CCNY: variants seen among roughly 807,000 people sequenced by gnomAD.
CCNY encodes the protein cyclin Y, also known as cyclin-Y.
Under a neutral mutation model 42.8 loss-of-function variants are expected in CCNY, and 19 were observed. The observed-to-expected ratio is 0.44, with a 90% confidence interval of 0.31 to 0.65. The LOEUF (loss-of-function observed/expected upper bound fraction) is 0.65, where lower values mean the gene tolerates loss of function less well. Ranked by LOEUF, CCNY falls within the 30% of genes least tolerant of loss-of-function variation. The pLI, the probability that CCNY is intolerant of heterozygous loss-of-function variation, is 0.07. For synonymous variants in CCNY, 165 were observed against 162.7 expected (o/e 1.01, Z -0.11); for missense variants, 370 against 437.3 (o/e 0.85, Z 1.37).
chr10:35,330,760 T>A (rs2474515), intron 3 of CCNY, among the ~76,000 whole-genome samples: 12,380 of 151,016 alleles, frequency 0.082, 810 homozygotes, highest in African/African-American at 0.19. Context: ...GCTTTTATTT[T>A]TTTTTTTTTT....
intron 7 of CCNY, among the ~76,000 whole-genome samples, chr10:35,546,894 G>A (rs568550523): frequency 3.9e-5 from 6 of 152,144 alleles, no homozygotes; most frequent in South Asian, 4.1e-4. Flanking sequence ...TGACCTCTGC[G>A]GAGAGCTTGG....
chr10:35,429,322 G>C (rs1838334792), intron 1 of CCNY, among the ~76,000 whole-genome samples: 1 of 152,082 alleles, frequency 6.6e-6, no homozygotes, highest in Non-Finnish European at 1.5e-5. Flanking sequence ...TGTAGAAATA[G>C]GTTTTATTAT....
At chr10:35,471,162 G>C (rs988685560) in intron 1 of CCNY, among the ~76,000 whole-genome samples, 3 of 152,084 alleles carry the variant, frequency 2.0e-5, no homozygotes, top group African/African-American at 7.2e-5. Context: ...CACTGACACT[G>C]TCTAGACCTA....
intron 3 of CCNY, among the ~76,000 whole-genome samples, chr10:35,321,425 C>A (rs571534945): frequency 6.6e-6 from 1 of 152,196 alleles, no homozygotes; most frequent in South Asian, 2.1e-4. Context: ...ATAATCCCAG[C>A]ACTTTTGGAG....
intron 3 of CCNY, among the ~76,000 whole-genome samples, chr10:35,259,693 T>TC (rs1360240243): frequency 1.4e-5 from 2 of 146,434 alleles, no homozygotes; most frequent in Admixed American, 1.4e-4. Flanking sequence ...TTTTTTTTTT[T>TC]TAGAGACGAG....
At chr10:35,514,239 C>T (rs1042219111) in intron 3 of CCNY, among the ~76,000 whole-genome samples, 1 of 152,164 alleles carries the variant, frequency 6.6e-6, no homozygotes, top group African/African-American at 2.4e-5. Flanking sequence ...GACTTAGTGC[C>T]TAAATGGTCT....
chr10:35,505,291 T>G (rs1840193121), intron 3 of CCNY, among the ~76,000 whole-genome samples: 1 of 150,236 alleles, frequency 6.7e-6, no homozygotes, highest in African/African-American at 2.5e-5. Context: ...AAAAAAAAGA[T>G]GTGAAAACAG....
intron 3 of CCNY, among the ~76,000 whole-genome samples, chr10:35,274,899 C>T (rs1053181609): frequency 2.6e-5 from 4 of 152,110 alleles, no homozygotes; most frequent in Non-Finnish European, 5.9e-5. Context: ...GTTAAGACTA[C>T]TGCAGTCTCC....
intron 1 of CCNY, among the ~76,000 whole-genome samples, chr10:35,480,368 A>C (rs1361711197): frequency 6.6e-6 from 1 of 152,184 alleles, no homozygotes; most frequent in Non-Finnish European, 1.5e-5. Context: ...ACAAGTGGTC[A>C]TTCCGCCTTT....
At chr10:35,346,447 C>T (rs1836304860) in intron 1 of CCNY, among the ~76,000 whole-genome samples, 1 of 152,206 alleles carries the variant, frequency 6.6e-6, no homozygotes, top group South Asian at 2.1e-4. Context: ...GGATCCCACA[C>T]ATCAGCAAGA....
At chr10:35,252,565 CAAAAAAA>C (rs755376669) in intron 3 of CCNY, among the ~76,000 whole-genome samples, 7 of 21,546 alleles carry the variant, frequency 3.2e-4, no homozygotes, top group South Asian at 1.6e-3. Context: ...GACTCCGTCT[CAAAAAAA>C]AAAAAAAAAA....
intron 1 of CCNY, among the ~76,000 whole-genome samples, chr10:35,465,709 T>C (rs954455571): frequency 6.6e-5 from 10 of 152,252 alleles, no homozygotes; most frequent in African/African-American, 1.9e-4. Context: ...CCTGTCCTCT[T>C]CCTTCTAGCT....
intron 3 of CCNY, among the ~76,000 whole-genome samples, chr10:35,310,863 G>A (rs772152693): frequency 2.0e-5 from 3 of 152,144 alleles, no homozygotes; most frequent in Non-Finnish European, 4.4e-5. Context: ...AGGATTGGCC[G>A]GGAATCGTGG....
intron 3 of CCNY, among the ~76,000 whole-genome samples, chr10:35,269,266 TCTA>T (rs1156824893): frequency 7.6e-6 from 1 of 131,062 alleles, no homozygotes; most frequent in Non-Finnish European, 1.6e-5. Context: ...TGCCAAATAA[TCTA>T]CTTCCTTCCT....
At chr10:35,412,640 C>G (rs1329921798) in intron 1 of CCNY, among the ~76,000 whole-genome samples, 1 of 148,632 alleles carries the variant, frequency 6.7e-6, no homozygotes, top group African/African-American at 2.5e-5. Flanking sequence ...TGCCTGAACT[C>G]AGAAGTTTGC....
intron 1 of CCNY, among the ~76,000 whole-genome samples, chr10:35,378,713 C>T (rs1190740530): frequency 6.6e-6 from 1 of 152,114 alleles, no homozygotes; most frequent in Non-Finnish European, 1.5e-5. Context: ...GTTCCACATC[C>T]TGCCCCGTTC....
chr10:35,553,024 C>T lies in CCNY; in HGVS notation c.585C>T (p.Tyr195=), dbSNP rs1841292338. The T allele has an allele frequency of 6.2e-7, 1 of 1,613,632 alleles. No individual in the cohort carries two copies. ...GCATTGTCTTGTCTTCCCAGGTGTA[C>T]CTTGAAAGACTTTTAACATACGCAG... ...TAECAIVTLV[Y]LERLLTYAEI... The change falls in exon 8 of 10, where the codon TAC becomes TAT. Residue 195 remains tyrosine, a synonymous_variant. Coordinates refer to ENST00000374704, the MANE Select transcript of CCNY (RefSeq NM_145012.6).
Position 35,440,765 on chromosome 10 carries a change from C to T in CCNY, c.155-42639C>T, listed in dbSNP as rs551332501. ...AAGTAGAATGAAGTGTAATTGCACA[C>T]GTGGGACTCCAGTCCCTGCTTATCT... On this transcript the variant is annotated intron_variant, in intron 1 of 9. Transcript: ENST00000374704. Among the ~76,000 whole-genome samples, 31 of 152,300 alleles carry T rather than the reference C, an allele frequency of 2.0e-4. 1 individual carries two copies. Among genetic ancestry groups the T allele is most frequent in the Admixed American group, 1.6e-3 (24 of 15,302 alleles).
At chr10:35,261,656 CA>C (rs2135032310) in intron 3 of CCNY, among the ~76,000 whole-genome samples, 1 of 152,192 alleles carries the variant, frequency 6.6e-6, no homozygotes, top group African/African-American at 2.4e-5. Flanking sequence ...AGTGAGCCAC[CA>C]TGATGCTGTT....
Sources: allele counts gnomAD v4.1 joint callset (sites outside exome capture counted in the v4.1 genomes callset), GRCh38; gene constraint gnomAD v4.1.1; transcripts MANE v1.5; gene names NCBI Gene and HGNC (gene_info 2026-07-23, HGNC 2026-07-21).